The following SMARCA4 variants were observed in gnomAD, a reference collection of about 807,000 sequenced individuals.
SMARCA4 encodes the protein SWI/SNF related BAF chromatin remodeling complex subunit ATPase 4, also known as SWI/SNF-related matrix-associated actin-dependent regulator of chromatin subfamily A member 4.
A neutral mutation model predicts 193.9 loss-of-function variants in SMARCA4; 31 were observed. The observed-to-expected ratio is 0.16, with a 90% CI of 0.12 to 0.22. The LOEUF is 0.22. Among genes scored for constraint, SMARCA4 ranks in the 10% least tolerant of loss-of-function variants. The probability of loss-of-function intolerance (pLI) is 1.00; values close to 1 mark genes in which losing one functional copy is unlikely to be tolerated. For missense variants in SMARCA4, 1,148 were observed against 2,296.0 expected (o/e 0.50, Z 10.22); for synonymous variants, 942 against 933.1 (o/e 1.01, Z -0.17).
intron 24 of SMARCA4, among the ~76,000 whole-genome samples, chr19:11,029,544 C>T (rs780079157): frequency 1.3e-5 from 2 of 152,234 alleles, no homozygotes; most frequent in Non-Finnish European, 1.5e-5. Context: ...GCCCCTCCTC[C>T]GAGCTGGAGT....
chr19:11,000,705 C>T (rs570394188), intron 11 of SMARCA4, among the ~76,000 whole-genome samples: 2 of 152,036 alleles, frequency 1.3e-5, no homozygotes, highest in African/African-American at 4.8e-5. Flanking sequence ...ATGGTGAAAC[C>T]CAGTCTCTAC....
intron 6 of SMARCA4, 55 bp from the exon 7 acceptor site, chr19:10,989,262 A>T (rs2145843954): frequency 6.2e-7 from 1 of 1,610,562 alleles, no homozygotes; most frequent in Non-Finnish European, 8.5e-7. Context: ...CTCCAGCTGT[A>T]ACTGGGTGCC....
intron 13 of SMARCA4, among the ~76,000 whole-genome samples, chr19:11,003,694 G>A (rs2087878806): frequency 6.6e-6 from 1 of 151,752 alleles, no homozygotes; most frequent in Non-Finnish European, 1.5e-5. Context: ...TCTGGGAATG[G>A]TCTGCCTCAT....
chr19:10,993,652 GTTTTT>G, intron 8 of SMARCA4, among the ~76,000 whole-genome samples: 1 of 146,502 alleles, frequency 6.8e-6, no homozygotes, highest in African/African-American at 2.5e-5. Flanking sequence ...TGCTTAGTTT[GTTTTT>G]TTTTTTGAGA....
At chr19:10,970,164 A>G (rs1355211996) in intron 1 of SMARCA4, among the ~76,000 whole-genome samples, 1 of 152,146 alleles carries the variant, frequency 6.6e-6, no homozygotes, top group African/African-American at 2.4e-5. Flanking sequence ...CAGAAAGACC[A>G]AGTGCTTAGA....
chr19:10,986,875 GTT>G lies in SMARCA4; in HGVS notation c.761-27_761-26del. Reference sequence around the variant, plus strand: ...CGCAGGCATAAACCTGGGACGCACTGTTTTCTCTTTTGTTTCTCCCTACATGT... The same window carrying G: ...CGCAGGCATAAACCTGGGACGCACTGTTCTCTTTTGTTTCTCCCTACATGT... On this transcript the variant is annotated intron_variant, in intron 4 of 34. Coordinates refer to ENST00000344626, the MANE Select transcript of SMARCA4 (RefSeq NM_003072.5). The surrounding 1 kb of genome is among the most constrained non-coding windows in gnomAD (Gnocchi z 6.7). The G allele has an allele frequency of 6.3e-7, 1 of 1,575,002 alleles. No individual in the cohort carries two copies. Among genetic ancestry groups the G allele is most frequent in the Non-Finnish European group, 8.7e-7 (1 of 1,145,012 alleles).
intron 30 of SMARCA4, among the ~76,000 whole-genome samples, chr19:11,046,753 C>T (rs376954536): frequency 3.3e-5 from 5 of 152,072 alleles, no homozygotes; most frequent in South Asian, 4.2e-4. Context: ...ACCAAGAGTA[C>T]GAGACCAACC....
intron 15 of SMARCA4, 197 bp from the exon 16 acceptor site, chr19:11,012,752 C>T (rs573248688): frequency 5.3e-5 from 34 of 641,846 alleles, no homozygotes; most frequent in East Asian, 4.5e-4. Context: ...GCTTCACAGA[C>T]GTTATTGCTA....
intron 13 of SMARCA4, among the ~76,000 whole-genome samples, chr19:11,004,269 A>G (rs917269644): frequency 1.3e-4 from 18 of 137,590 alleles, no homozygotes; most frequent in Admixed American, 5.2e-4. Flanking sequence ...TTTTTTTTTG[A>G]GACAGAGTCT....
At chr19:10,973,619 G>C (rs1404553345) in intron 1 of SMARCA4, among the ~76,000 whole-genome samples, 1 of 147,516 alleles carries the variant, frequency 6.8e-6, no homozygotes, top group Non-Finnish European at 1.5e-5. Context: ...ACCCAGGCTG[G>C]AGTGCAGTGG....
At chr19:11,023,487 C>T (rs772855668) in intron 19 of SMARCA4, 31 bp from the exon 20 acceptor site, 4 of 1,403,360 alleles carry the variant, frequency 2.9e-6, no homozygotes, top group South Asian at 2.3e-5. Context: ...TTGGAGGTAA[C>T]GCTTGCTTCT....
Position 11,019,723 on chromosome 19 carries a change from T to C in SMARCA4, c.2616+22T>C. The C allele has an allele frequency of 6.5e-7, 1 of 1,537,848 alleles. No individual in the cohort carries two copies. The highest frequency in any genetic ancestry group is 9.0e-7 in the Non-Finnish European group (1 of 1,112,226). ...CAAGGTAACGTGTCCCTGTGGGAAA[T>C]GCCAGGCCATGGGCCGAGTGCTCAC... On this transcript the variant is annotated intron_variant, in intron 18 of 34. Coordinates refer to ENST00000344626, the MANE Select transcript of SMARCA4 (RefSeq NM_003072.5). The surrounding 1 kb of genome is among the most constrained non-coding windows in gnomAD (Gnocchi z 6.1).
In SMARCA4 at chr19:10,992,573, C is replaced by T. The variant is rs183668307; in HGVS notation, c.1419+1250C>T. Among the ~76,000 whole-genome samples, 60 of 151,054 alleles carry T rather than the reference C, an allele frequency of 4.0e-4. 1 individual carries two copies. The East Asian group carries it at 0.01, about 26-fold the overall frequency. Reference sequence around the variant, plus strand: ...CCAAGTAGTTGGGATTACAGATGTGCGCCGCCACACCTGTTTGTTTTTTTC... The same window carrying T: ...CCAAGTAGTTGGGATTACAGATGTGTGCCGCCACACCTGTTTGTTTTTTTC... On this transcript the variant is annotated intron_variant, in intron 8 of 34. Coordinates refer to ENST00000344626, the MANE Select transcript of SMARCA4 (RefSeq NM_003072.5).
intron 1 of SMARCA4, among the ~76,000 whole-genome samples, chr19:10,980,198 C>T (rs2085451184): frequency 6.6e-6 from 1 of 152,076 alleles, no homozygotes; most frequent in Non-Finnish European, 1.5e-5. Flanking sequence ...AATGAATTTG[C>T]GGATGCTGGT....
intron 1 of SMARCA4, chr19:10,977,792 C>G (rs1372885013): frequency 6.6e-6 from 1 of 152,404 alleles, no homozygotes; most frequent in African/African-American, 2.4e-5. Flanking sequence ...GTTTCACCAG[C>G]TGAGCGGCTG....
At chr19:10,990,996 A>G (rs562763860) in intron 7 of SMARCA4, among the ~76,000 whole-genome samples, 154 bp from the exon 8 acceptor site, 1 of 152,358 alleles carries the variant, frequency 6.6e-6, no homozygotes, top group South Asian at 2.1e-4. Context: ...GCCCGGGGGC[A>G]CCTGCTAGAC....
intron 14 of SMARCA4, among the ~76,000 whole-genome samples, chr19:11,009,981 G>T (rs2088660823): frequency 6.6e-6 from 1 of 152,000 alleles, no homozygotes; most frequent in African/African-American, 2.4e-5. Flanking sequence ...AAGCCACTGT[G>T]CCCAGCCTAA....
At chr19:10,998,553 T>C (rs2087307191) in intron 11 of SMARCA4, among the ~76,000 whole-genome samples, 2 of 151,462 alleles carry the variant, frequency 1.3e-5, no homozygotes, top group African/African-American at 4.8e-5. Flanking sequence ...GGCTACAGGA[T>C]GGTGACTTTT....
Position 10,986,459 on chromosome 19 carries a change from C to T in SMARCA4, c.626C>T (p.Pro209Leu), listed in dbSNP as rs778071122. 1.2e-5 allele frequency: 18 copies of T among 1,558,688 alleles called. No homozygotes were observed. Among genetic ancestry groups the T allele is most frequent in the Admixed American group, 3.9e-5 (2 of 51,662 alleles). The part of the protein sequence containing the change: ...HLQMAVQGKR[P>L]MPGMQQQMPT... ...CAGATGGCGGTGCAGGGCAAGCGGC[C>T]GATGCCCGGGATGCAGCAGCAGATG... Residue 209 changes from proline to leucine, a missense_variant, in exon 4 of 35, where the codon CCG (proline) becomes CTG (leucine). Physicochemically the swap from Pro to Leu is moderately conservative, Grantham distance 98. Around this residue, in one of 17 missense-constraint regions of SMARCA4, gnomAD observed 257 missense variants for 276.5 expected, o/e 0.93. Coordinates refer to ENST00000344626, the MANE Select transcript of SMARCA4 (RefSeq NM_003072.5). The surrounding 1 kb of genome is among the most constrained non-coding windows in gnomAD (Gnocchi z 6.7).
Sources: gnomAD v4.1 joint callset for allele counts (sites outside exome capture counted in the v4.1 genomes callset) on GRCh38, gnomAD v4.1.1 for gene constraint, gnomAD v4.1.1 regional missense constraint, Gnocchi (gnomAD v3.1) non-coding constraint, MANE v1.5 for transcripts, NCBI Gene and HGNC (gene_info 2026-07-23, HGNC 2026-07-21) for gene names.